SNX10: variants seen among roughly 807,000 people sequenced by gnomAD.
SNX10 encodes sorting nexin 10, also known as sorting nexin-10.
In SNX10, 25 loss-of-function variants were observed where a neutral mutation model predicts 28.5. The observed-to-expected ratio is 0.88, with a 90% CI of 0.64 to 1.22. The LOEUF (loss-of-function observed/expected upper bound fraction) is 1.22, where lower values mean the gene tolerates loss of function less well. Ranked by LOEUF, SNX10 falls within the 50% of genes most tolerant of loss-of-function variation. SNX10 has a pLI of 0.00. For synonymous variants in SNX10, 62 were observed against 81.4 expected (o/e 0.76, Z 1.28); for missense variants, 223 against 242.6 (o/e 0.92, Z 0.54).
intron 1 of SNX10, among the ~76,000 whole-genome samples, chr7:26,295,282 G>C (rs1341828437): frequency 6.6e-6 from 1 of 151,490 alleles, no homozygotes; most frequent in African/African-American, 2.4e-5. Flanking sequence ...GGCTGGTTTT[G>C]AACTCCTGAG....
chr7:26,367,453 C>T (rs951379173), intron 5 of SNX10, among the ~76,000 whole-genome samples: 1 of 152,168 alleles, frequency 6.6e-6, no homozygotes, highest in South Asian at 2.1e-4. Flanking sequence ...GAACATTTGT[C>T]TACAAGTTAA....
At chr7:26,300,467 A>C (rs1375961542) in intron 1 of SNX10, among the ~76,000 whole-genome samples, 1 of 152,098 alleles carries the variant, frequency 6.6e-6, no homozygotes, top group Non-Finnish European at 1.5e-5. Context: ...GTGGAAAAAA[A>C]TAACAAAATG....
chr7:26,304,210 C>T (rs901099639), intron 1 of SNX10, among the ~76,000 whole-genome samples: 3 of 152,190 alleles, frequency 2.0e-5, no homozygotes, highest in African/African-American at 7.2e-5. Context: ...CCAGCCTTCC[C>T]CATCTGAATG....
rs552764566 is a variant in SNX10 at position 26,363,482 on chromosome 7, C to T, written c.112-1053C>T. On this transcript the variant is annotated intron_variant, in intron 3 of 6. Transcript: ENST00000338523. The stretch of plus-strand genomic sequence containing the variant: ...TTGTTTCTCATTTAGATTAGAAAAT[C>T]GGATTTTGAAATACAGAGACTAGAG... Among the ~76,000 whole-genome samples the T allele has an allele frequency of 2.4e-4, 37 of 152,036 alleles. 1 individual carries two copies. The South Asian group carries it at 6.9e-3, about 28-fold the overall frequency.
At chr7:26,331,125 T>C (rs1373950248) in intron 1 of SNX10, among the ~76,000 whole-genome samples, 1 of 150,692 alleles carries the variant, frequency 6.6e-6, no homozygotes, top group African/African-American at 2.4e-5. Context: ...CACTCCAGCC[T>C]GGGTGGCAGA....
At chr7:26,315,006 A>AAAACAAAACAAAAC (rs1454220327) in intron 1 of SNX10, among the ~76,000 whole-genome samples, 1 of 151,866 alleles carries the variant, frequency 6.6e-6, no homozygotes, top group Admixed American at 6.6e-5. Context: ...AAAACAAAAC[A>AAAACAAAACAAAAC]AAAAAACAAC....
chr7:26,361,314 C>T (rs1562818807), intron 3 of SNX10, among the ~76,000 whole-genome samples: 1 of 152,128 alleles, frequency 6.6e-6, no homozygotes, highest in African/African-American at 2.4e-5. Flanking sequence ...TGAAGATGTG[C>T]ACGCATCTAA....
intron 1 of SNX10, among the ~76,000 whole-genome samples, chr7:26,317,215 G>T (rs1449783302): frequency 2.0e-5 from 3 of 152,152 alleles, no homozygotes; most frequent in Non-Finnish European, 4.4e-5. Context: ...AAGCTACCTA[G>T]GGAGAGCTGA....
intron 5 of SNX10, among the ~76,000 whole-genome samples, chr7:26,367,945 A>G (rs1314452579): frequency 1.3e-5 from 2 of 152,236 alleles, no homozygotes; most frequent in Non-Finnish European, 2.9e-5. Flanking sequence ...AGCACTAAAT[A>G]TGTTCAAACC....
intron 1 of SNX10, among the ~76,000 whole-genome samples, chr7:26,294,712 T>C (rs79620143): frequency 6.6e-6 from 1 of 152,354 alleles, no homozygotes; most frequent in Non-Finnish European, 1.5e-5. Context: ...TATAAGCTAA[T>C]AGTTATCTAG....
rs1185975079 is a variant in SNX10, at chr7:26,373,399, CAGT to C, written c.*828_*830del. On this transcript the variant is annotated 3_prime_UTR_variant, in exon 7 of 7. Coordinates refer to ENST00000338523, the MANE Select transcript of SNX10 (RefSeq NM_013322.3). The surrounding 1 kb of genome is among the most constrained non-coding windows in gnomAD (Gnocchi z 4.2). ...CTTATCACTAGATAACTTTCAGTAT[CAGT>C]GGTGGTTACTTATTACTTAAATCAG... 6.6e-6 allele frequency: 1 copy of C among 151,920 alleles called. No individual in the cohort carries two copies. Among genetic ancestry groups the C allele is most frequent in the African/African-American group, 2.4e-5 (1 of 41,386 alleles). The allele number at this position is 151,920 out of a possible 1,614,324, so 9.4% of individuals were successfully genotyped here. A position where few individuals can be genotyped will look rare whatever the true frequency, so the allele number is the denominator to read the frequency against.
chr7:26,301,080 A>G (rs1017573561), intron 1 of SNX10, among the ~76,000 whole-genome samples: 1 of 149,672 alleles, frequency 6.7e-6, no homozygotes, highest in African/African-American at 2.5e-5. Flanking sequence ...TTTTCTGAGT[A>G]TAGCTTAAAA....
chr7:26,295,113 C>A (rs1786060387), intron 1 of SNX10, among the ~76,000 whole-genome samples: 1 of 152,184 alleles, frequency 6.6e-6, no homozygotes, highest in Admixed American at 6.5e-5. Context: ...ATTGTAGTCT[C>A]TGTTATTTTT....
intron 1 of SNX10, among the ~76,000 whole-genome samples, chr7:26,335,190 T>C (rs1455690195): frequency 6.6e-6 from 1 of 152,216 alleles, no homozygotes; most frequent in Admixed American, 6.5e-5. Context: ...GTGATTCAGC[T>C]TGTCTGGTGG....
intron 1 of SNX10, among the ~76,000 whole-genome samples, chr7:26,344,064 T>A (rs1233632723): frequency 6.6e-6 from 1 of 152,030 alleles, no homozygotes; most frequent in Non-Finnish European, 1.5e-5. Flanking sequence ...GTGCCGTTGA[T>A]CTCCTGAACT....
intron 1 of SNX10, among the ~76,000 whole-genome samples, chr7:26,294,859 T>G (rs1479656594): frequency 6.6e-6 from 1 of 152,210 alleles, no homozygotes; most frequent in Non-Finnish European, 1.5e-5. Context: ...GTCAAACAAC[T>G]AGTAATGCGA....
chr7:26,308,448 TC>T (rs531897039), intron 1 of SNX10, among the ~76,000 whole-genome samples: 66 of 152,300 alleles, frequency 4.3e-4, no homozygotes, highest in Non-Finnish European at 7.1e-4. Context: ...GTCCTTTTTG[TC>T]CAATCATATT....
At chr7:26,321,772 C>A (rs1293794763) in intron 1 of SNX10, among the ~76,000 whole-genome samples, 1 of 151,876 alleles carries the variant, frequency 6.6e-6, no homozygotes, top group African/African-American at 2.4e-5. Flanking sequence ...TTTCACTTTA[C>A]CAGTTTTTTT....
At chr7:26,303,174 G>A (rs898922469) in intron 1 of SNX10, among the ~76,000 whole-genome samples, 4 of 152,214 alleles carry the variant, frequency 2.6e-5, no homozygotes, top group Non-Finnish European at 5.9e-5. Context: ...CAAGATTACA[G>A]TATTCTTGCA....
Sources: gnomAD v4.1 joint callset for allele counts (sites outside exome capture counted in the v4.1 genomes callset) on GRCh38, gnomAD v4.1.1 for gene constraint, Gnocchi (gnomAD v3.1) non-coding constraint, MANE v1.5 for transcripts, NCBI Gene and HGNC (gene_info 2026-07-23, HGNC 2026-07-21) for gene names.